TMCO5A: variants seen among roughly 807,000 people sequenced by gnomAD.
TMCO5A encodes the protein transmembrane and coiled-coil domain-containing protein 5A.
A neutral mutation model predicts 42.3 loss-of-function variants in TMCO5A; 34 were observed. The observed-to-expected ratio is 0.80, with a 90% CI of 0.61 to 1.07. The LOEUF is 1.07. TMCO5A is among the 50% of genes least tolerant of loss of function. The pLI, the probability that TMCO5A is intolerant of heterozygous loss-of-function variation, is 0.00. For synonymous variants in TMCO5A, 131 were observed against 115.6 expected (o/e 1.13, Z -0.86); for missense variants, 357 against 327.9 (o/e 1.09, Z -0.69).
At chr15:37,969,647 C>G (rs1197840520), downstream of TMCO5A, among the ~76,000 whole-genome samples, 5 of 152,174 alleles carry the variant, frequency 3.3e-5, no homozygotes, top group Non-Finnish European at 5.9e-5. Context: ...CAGATTATTT[C>G]ATCACCTAGG....
downstream of TMCO5A, among the ~76,000 whole-genome samples, chr15:37,952,127 C>T (rs983040623): frequency 7.9e-5 from 12 of 152,044 alleles, no homozygotes; most frequent in Non-Finnish European, 1.3e-4. Flanking sequence ...CAAGCCTTGC[C>T]GCTGCCAAGC....
At chr15:38,009,012 T>G in the TMCO5A span, among the ~76,000 whole-genome samples, 1 of 152,214 alleles carries the variant, frequency 6.6e-6, no homozygotes, top group African/African-American at 2.4e-5. Context: ...AAGAGATTCA[T>G]AAGCCTAAAT....
At chr15:38,001,669 G>C in the TMCO5A span, among the ~76,000 whole-genome samples, 3 of 151,448 alleles carry the variant, frequency 2.0e-5, no homozygotes, top group Non-Finnish European at 4.4e-5. Flanking sequence ...TACATCTGTT[G>C]CATGTTTTTT....
At chr15:37,954,229 G>A (rs565793157), downstream of TMCO5A, among the ~76,000 whole-genome samples, 205 of 152,058 alleles carry the variant, frequency 1.3e-3, no homozygotes, top group Non-Finnish European at 2.1e-3. Flanking sequence ...GATTTAACCC[G>A]AAGAAGACTA....
At chr15:37,950,126 C>A (rs1716177649) in intron 11 of TMCO5A, among the ~76,000 whole-genome samples, 1 of 152,188 alleles carries the variant, frequency 6.6e-6, no homozygotes. Flanking sequence ...GCACTACATA[C>A]TGTGACTTTC....
chr15:37,946,277 A>G (rs892350075), intron 10 of TMCO5A, among the ~76,000 whole-genome samples: 1 of 152,132 alleles, frequency 6.6e-6, no homozygotes, highest in African/African-American at 2.4e-5. Context: ...CTTGTAATAT[A>G]GTTTGAAGTC....
chr15:37,998,145 T>C, the TMCO5A span, among the ~76,000 whole-genome samples: 21 of 150,588 alleles, frequency 1.4e-4, no homozygotes, highest in Non-Finnish European at 1.8e-4. Flanking sequence ...CCCCATTCCG[T>C]GGGTTGTGTC....
the TMCO5A span, among the ~76,000 whole-genome samples, chr15:37,977,773 C>A: frequency 6.6e-6 from 1 of 152,194 alleles, no homozygotes; most frequent in Non-Finnish European, 1.5e-5. Flanking sequence ...GTGGCAATGG[C>A]AAAAGGTCTT....
At chr15:38,007,871 ACTTTTTTTTTT>A in the TMCO5A span, among the ~76,000 whole-genome samples, 1 of 74,128 alleles carries the variant, frequency 1.3e-5, no homozygotes, top group Non-Finnish European at 2.5e-5. Flanking sequence ...ACTCACCCAC[ACTTTTTTTTTT>A]TTTTTTTTTT....
At chr15:37,978,452 C>G in the TMCO5A span, among the ~76,000 whole-genome samples, 1 of 152,190 alleles carries the variant, frequency 6.6e-6, no homozygotes, top group Non-Finnish European at 1.5e-5. Context: ...AGCCGAGGAC[C>G]CTGCCTGGTG....
chr15:38,016,832 C>A, the TMCO5A span, among the ~76,000 whole-genome samples: 1 of 152,138 alleles, frequency 6.6e-6, no homozygotes, highest in Admixed American at 6.6e-5. Context: ...ACACCCATAA[C>A]TACTAGTAGG....
the TMCO5A span, among the ~76,000 whole-genome samples, chr15:37,979,922 A>G: frequency 1.4e-4 from 21 of 151,976 alleles, no homozygotes; most frequent in Admixed American, 2.0e-4. Flanking sequence ...CCACTTTTTC[A>G]TAAGACAGCT....
chr15:38,022,915 T>C, the TMCO5A span, among the ~76,000 whole-genome samples: 77 of 152,226 alleles, frequency 5.1e-4, 1 homozygote, highest in Non-Finnish European at 9.6e-4. Flanking sequence ...CTATATTAGA[T>C]ACAAATAGAT....
rs139068501 is a variant in TMCO5A at position 37,958,523 on chromosome 15, A to C, written c.669-8102A>C. Among the ~76,000 whole-genome samples, 481 of 152,300 alleles carry C rather than the reference A, an allele frequency of 3.2e-3. 6 individuals carry two copies. Among genetic ancestry groups the C allele is most frequent in the African/African-American group, 0.011 (467 of 41,560 alleles). ...ATCACTGGTCATTAGAGAAATGCAA[A>C]TCAAAACCACAATGAGATACCATCT... On this transcript the variant is annotated intron_variant, in intron 11 of 11. Coordinates refer to the TMCO5A transcript ENST00000559502.
At chr15:38,001,613 T>A in the TMCO5A span, among the ~76,000 whole-genome samples, 2 of 151,922 alleles carry the variant, frequency 1.3e-5, no homozygotes, top group African/African-American at 2.4e-5. Flanking sequence ...TTAGTGTAGG[T>A]GATTTTCTCT....
At position 37,957,949 on chromosome 15, in the gene TMCO5A, A is replaced by C. The variant is rs182803004; in HGVS notation, c.669-8676A>C. 2.1e-4 allele frequency among the ~76,000 whole-genome samples: 32 copies of C among 152,054 alleles called. No homozygotes were observed. In the South Asian group the frequency reaches 6.6e-3, roughly 32 times the overall value. Reference sequence around the variant, plus strand: ...AGAAATAATGCCACACATCTACAACAATTGATCTTTGACAAACCTGACAAA... The same window carrying C: ...AGAAATAATGCCACACATCTACAACCATTGATCTTTGACAAACCTGACAAA... On this transcript the variant is annotated intron_variant, in intron 11 of 11. Coordinates refer to the TMCO5A transcript ENST00000559502.
the TMCO5A span, among the ~76,000 whole-genome samples, chr15:37,981,220 A>C: frequency 9.2e-4 from 139 of 151,608 alleles, no homozygotes; most frequent in African/African-American, 3.3e-3. Context: ...AAAAAAAAAA[A>C]AAAAACTGGT....
the TMCO5A span, among the ~76,000 whole-genome samples, chr15:37,994,945 C>T: frequency 0.014 from 2,149 of 152,220 alleles, 57 homozygotes; most frequent in African/African-American, 0.049. Flanking sequence ...CCCCAGATTT[C>T]TACAATTTCA....
the TMCO5A span, among the ~76,000 whole-genome samples, chr15:38,015,165 C>A: frequency 2.0e-5 from 3 of 151,932 alleles, no homozygotes; most frequent in African/African-American, 7.3e-5. Flanking sequence ...TTCCGAAGCT[C>A]ACTGACTCAA....
Sources: allele counts gnomAD v4.1 joint callset (sites outside exome capture counted in the v4.1 genomes callset), GRCh38; gene constraint gnomAD v4.1.1; transcripts MANE v1.5; gene names NCBI Gene and HGNC (gene_info 2026-07-23, HGNC 2026-07-21).